TGFA: variants seen among roughly 807,000 people sequenced by gnomAD.
TGFA encodes transforming growth factor alpha.
Under a neutral mutation model 21.7 loss-of-function variants are expected in TGFA, and 12 were observed. The observed-to-expected ratio is 0.55, with a 90% CI of 0.35 to 0.90. The LOEUF (loss-of-function observed/expected upper bound fraction) is 0.90. Among genes scored for constraint, TGFA ranks in the 40% least tolerant of loss-of-function variants. The pLI, the probability that TGFA is intolerant of heterozygous loss-of-function variation, is 0.01. For synonymous variants in TGFA, 79 were observed against 88.1 expected (o/e 0.90, Z 0.58); for missense variants, 178 against 210.8 (o/e 0.84, Z 0.96).
At chr2:70,461,116 CAG>C (rs781801981) in intron 3 of TGFA, among the ~76,000 whole-genome samples, 12 of 152,136 alleles carry the variant, frequency 7.9e-5, no homozygotes, top group Non-Finnish European at 1.6e-4. Context: ...CACAAAGAAA[CAG>C]AGGCTTAAAG....
chr2:70,527,529 A>G (rs183368164), intron 1 of TGFA, among the ~76,000 whole-genome samples: 15 of 152,358 alleles, frequency 9.8e-5, no homozygotes, highest in Non-Finnish European at 1.8e-4. Context: ...GGTATGTGTC[A>G]TTATAAATCT....
At chr2:70,485,958 C>G (rs1355988990) in intron 2 of TGFA, among the ~76,000 whole-genome samples, 1 of 152,160 alleles carries the variant, frequency 6.6e-6, no homozygotes, top group South Asian at 2.1e-4. Flanking sequence ...ATATTTCCTC[C>G]TCCTGGAACC....
In TGFA at chr2:70,514,865, G is replaced by T; in HGVS notation, c.88C>A (p.Leu30Met). 6.2e-7 allele frequency: 1 copy of T among 1,613,960 alleles called. No individual in the cohort carries two copies. Among genetic ancestry groups the T allele is most frequent in the Non-Finnish European group, 8.5e-7 (1 of 1,179,974 alleles). ...CQALENSTSP[L>M]SADPPVAAAV... ...CCACGGCAGCTGCACTCACCACTCA[G>T]CGGGGACGTGCTGTTCTCCAAGGCC... The change falls in exon 2 of 6, where the codon CTG (leucine) becomes ATG (methionine). Residue 30 changes from leucine to methionine, a missense_variant. Transcript: ENST00000295400.
chr2:70,529,790 C>T (rs1672763124), intron 1 of TGFA, among the ~76,000 whole-genome samples: 1 of 152,196 alleles, frequency 6.6e-6, no homozygotes, highest in Non-Finnish European at 1.5e-5. Flanking sequence ...AGAAGAGACA[C>T]TCAGGGTCCT....
In TGFA at chr2:70,504,475, T is replaced by C. The variant is rs1360220706; in HGVS notation, c.94+10384A>G. Reference sequence around the variant, plus strand: ...ATATATATATATATACACACATACATACATACATACACACACACACACACA... The same window carrying C: ...ATATATATATATATACACACATACACACATACATACACACACACACACACA... On this transcript the variant is annotated intron_variant, in intron 2 of 5. Coordinates refer to ENST00000295400, the MANE Select transcript of TGFA (RefSeq NM_003236.4). 4.8e-3 allele frequency among the ~76,000 whole-genome samples: 398 copies of C among 83,742 alleles called. 6 individuals carry two copies. The highest frequency in any genetic ancestry group is 0.017 in the African/African-American group (314 of 18,918). 54.9% of individuals were successfully genotyped at this position (83,742 alleles called of 152,430 possible). A position where few individuals can be genotyped will look rare whatever the true frequency, so the allele number is the denominator to read the frequency against.
intron 1 of TGFA, among the ~76,000 whole-genome samples, chr2:70,519,511 C>T (rs1219248804): frequency 6.6e-6 from 1 of 152,146 alleles, no homozygotes; most frequent in East Asian, 1.9e-4. Context: ...AGGGTAAGAA[C>T]TGATTAAGAA....
chr2:70,485,297 G>C (rs1671236331), intron 2 of TGFA, among the ~76,000 whole-genome samples: 1 of 152,054 alleles, frequency 6.6e-6, no homozygotes, highest in Non-Finnish European at 1.5e-5. Context: ...AGAGTGCAGT[G>C]GCACGATCTG....
At chr2:70,536,941 T>C (rs1342912976) in intron 1 of TGFA, among the ~76,000 whole-genome samples, 1 of 152,156 alleles carries the variant, frequency 6.6e-6, no homozygotes, top group African/African-American at 2.4e-5. Context: ...CTTTGCTTTA[T>C]TGTGCCTCAC....
intron 2 of TGFA, among the ~76,000 whole-genome samples, chr2:70,472,677 G>A (rs558312796): frequency 7.9e-5 from 12 of 152,244 alleles, no homozygotes; most frequent in Admixed American, 2.6e-4. Context: ...ACCCCTGAGC[G>A]CAATCACCCC....
chr2:70,538,174 GA>G (rs1295125035), intron 1 of TGFA, among the ~76,000 whole-genome samples: 8 of 150,818 alleles, frequency 5.3e-5, no homozygotes, highest in African/African-American at 1.7e-4. Flanking sequence ...CTACTGCTCA[GA>G]AAAAAAAAGC....
intron 1 of TGFA, among the ~76,000 whole-genome samples, chr2:70,527,122 C>T (rs531147514): frequency 6.6e-6 from 1 of 152,328 alleles, no homozygotes; most frequent in East Asian, 1.9e-4. Flanking sequence ...TAGTTGAAAA[C>T]TTATCTTCAA....
intron 1 of TGFA, among the ~76,000 whole-genome samples, chr2:70,545,534 GACT>G (rs781833047): frequency 1.4e-4 from 22 of 152,040 alleles, no homozygotes; most frequent in Non-Finnish European, 3.1e-4. Context: ...TAGCATTTTA[GACT>G]ACTAACTGGT....
intron 1 of TGFA, among the ~76,000 whole-genome samples, chr2:70,538,165 T>C (rs1553504727): frequency 6.6e-6 from 1 of 152,196 alleles, no homozygotes; most frequent in African/African-American, 2.4e-5. Context: ...TGTTGAGATC[T>C]ACTGCTCAGA....
intron 1 of TGFA, among the ~76,000 whole-genome samples, chr2:70,543,518 T>C (rs1193174280): frequency 3.2e-5 from 4 of 125,478 alleles, no homozygotes; most frequent in African/African-American, 1.2e-4. Context: ...AGAGCGAGAC[T>C]CTGTCTCAAA....
At chr2:70,455,810 G>C (rs1670210220) in intron 4 of TGFA, among the ~76,000 whole-genome samples, 1 of 152,192 alleles carries the variant, frequency 6.6e-6, no homozygotes. Flanking sequence ...CCCCAGGGAG[G>C]CTTCCTGGAA....
intron 2 of TGFA, chr2:70,467,501 T>G (rs980584956): frequency 6.6e-6 from 1 of 152,210 alleles, no homozygotes; most frequent in Non-Finnish European, 1.5e-5. Flanking sequence ...TTGGGCTTAT[T>G]TTTTTCCACT....
At chr2:70,458,534 C>T (rs1670310490) in intron 3 of TGFA, among the ~76,000 whole-genome samples, 1 of 152,298 alleles carries the variant, frequency 6.6e-6, no homozygotes, top group East Asian at 1.9e-4. Context: ...GCACCTAGCA[C>T]AGTTCCCAGC....
In TGFA at chr2:70,447,426, C is replaced by CT. The variant is rs1303043409; in HGVS notation, c.*3432dup. The CT allele has an allele frequency of 3.9e-5, 6 of 152,588 alleles. No homozygotes were observed. Among genetic ancestry groups the CT allele is most frequent in the African/African-American group, 1.4e-4 (6 of 41,444 alleles). The allele number at this position is 152,588 out of a possible 1,614,324, so 9.5% of individuals were successfully genotyped here. On this transcript the variant is annotated 3_prime_UTR_variant, in exon 6 of 6. Coordinates refer to ENST00000295400, the MANE Select transcript of TGFA (RefSeq NM_003236.4). ...ATAATTCAGATATTAAGGAAAATAA[C>CT]TGCTAATCACATTAACACATTACAG...
At chr2:70,490,309 A>G (rs1671392199) in intron 2 of TGFA, among the ~76,000 whole-genome samples, 1 of 152,264 alleles carries the variant, frequency 6.6e-6, no homozygotes, top group Non-Finnish European at 1.5e-5. Flanking sequence ...CAGAGAAGGT[A>G]AAAGATAAGA....
Sources: allele counts gnomAD v4.1 joint callset (sites outside exome capture counted in the v4.1 genomes callset), GRCh38; gene constraint gnomAD v4.1.1; transcripts MANE v1.5; gene names NCBI Gene and HGNC (gene_info 2026-07-23, HGNC 2026-07-21).